The following TULP4 variants were observed in gnomAD, a reference collection of about 807,000 sequenced individuals.
TULP4 encodes the protein tubby-related protein 4.
Under a neutral mutation model 129.0 loss-of-function variants are expected in TULP4, and 16 were observed. The observed-to-expected ratio is 0.12, with a 90% CI of 0.08 to 0.19. TULP4 has a LOEUF of 0.19. TULP4 is among the 10% of genes least tolerant of loss of function. The pLI is 1.00. For missense variants in TULP4, 1,842 were observed against 2,059.1 expected, an observed-to-expected ratio of 0.89 and a Z score of 2.04; for synonymous variants, 998 against 854.0, an observed-to-expected ratio of 1.17 and a Z score of -2.94.
chr6:158,379,443 T>C (rs1260763328), intron 1 of TULP4, among the ~76,000 whole-genome samples: 2 of 152,190 alleles, frequency 1.3e-5, no homozygotes, highest in African/African-American at 4.8e-5. Context: ...CAGCAGTTCT[T>C]GAGACTGGAC....
At chr6:158,321,079 C>A (rs1053217957) in intron 1 of TULP4, among the ~76,000 whole-genome samples, 2 of 151,694 alleles carry the variant, frequency 1.3e-5, no homozygotes, top group Non-Finnish European at 2.9e-5. Flanking sequence ...ACTTTTTGGC[C>A]CACTTCAGTG....
At chr6:158,273,460 G>T (rs985869687) in intron 1 of TULP4, among the ~76,000 whole-genome samples, 1 of 152,076 alleles carries the variant, frequency 6.6e-6, no homozygotes, top group Non-Finnish European at 1.5e-5. Context: ...CCTTTATGTC[G>T]ATGACACTGA....
Position 158,240,724 on chromosome 6 carries a change from G to T in TULP4, n.68+8421G>T, listed in dbSNP as rs1281088054. 3.2e-5 allele frequency among the ~76,000 whole-genome samples: 4 copies of T among 126,236 alleles called. No individual in the cohort carries two copies. The East Asian group carries it at 1.2e-3, about 38-fold the overall frequency. The allele number at this position is 126,236 out of a possible 152,430, so 82.8% of individuals were successfully genotyped here. ...GACCCCCCCCACCTCCCTCCCGGAC[G>T]GGGCGGCTGGCCGGGCGGGGGGCTG... On this transcript the variant is annotated intron_variant and non_coding_transcript_variant, in intron 1 of 1. Transcript: ENST00000620026.
chr6:158,341,141 G>C (rs937695365), intron 1 of TULP4, among the ~76,000 whole-genome samples: 2 of 152,026 alleles, frequency 1.3e-5, no homozygotes, highest in African/African-American at 4.8e-5. Context: ...TCTCCATGAG[G>C]TCAATTTTTT....
chr6:158,266,958 A>G (rs962008771), intron 1 of TULP4, among the ~76,000 whole-genome samples: 1 of 152,034 alleles, frequency 6.6e-6, no homozygotes, highest in Non-Finnish European at 1.5e-5. Context: ...CCCATCAAAC[A>G]CTTCCCTTTT....
At chr6:158,369,095 T>C (rs1478132180) in intron 1 of TULP4, among the ~76,000 whole-genome samples, 2 of 152,240 alleles carry the variant, frequency 1.3e-5, no homozygotes, top group African/African-American at 4.8e-5. Flanking sequence ...CATGCAAAGG[T>C]CATGATTATA....
At chr6:158,467,855 C>T (rs999397216) in intron 6 of TULP4, among the ~76,000 whole-genome samples, 2 of 152,216 alleles carry the variant, frequency 1.3e-5, no homozygotes, top group African/African-American at 4.8e-5. Flanking sequence ...GATCTTGGCT[C>T]ATGGCAGTCT....
intron 1 of TULP4, among the ~76,000 whole-genome samples, chr6:158,364,903 T>A (rs1021015248): frequency 1.3e-5 from 2 of 152,006 alleles, no homozygotes; most frequent in African/African-American, 4.8e-5. Context: ...GCCTGGCTAA[T>A]TTTTTGTATT....
chr6:158,483,554 G>A (rs1303429596), intron 8 of TULP4, among the ~76,000 whole-genome samples: 1 of 152,042 alleles, frequency 6.6e-6, no homozygotes, highest in Non-Finnish European at 1.5e-5. Context: ...ATAAACTCCT[G>A]GGTTCCAGTA....
In TULP4 at chr6:158,493,099, G is replaced by A. The variant is rs540001815; in HGVS notation, c.1632-474G>A. ...GCCCCTGGCAGAAGGCCATTTCCACGCTTGCTCCAAGGCAACAGAGAGTGA... is the reference window on the plus strand; with the variant it reads ...GCCCCTGGCAGAAGGCCATTTCCACACTTGCTCCAAGGCAACAGAGAGTGA... On this transcript the variant is annotated intron_variant, in intron 9 of 13. Transcript: ENST00000367097. This position sits in a 1 kb window ranked among gnomAD's most constrained non-coding sequence, Gnocchi z 4.4. 3.9e-4 allele frequency among the ~76,000 whole-genome samples: 59 copies of A among 152,214 alleles called. No homozygotes were observed. Among genetic ancestry groups the A allele is most frequent in the Non-Finnish European group, 6.8e-4 (46 of 68,042 alleles).
At chr6:158,475,948 C>A (rs775142104) in intron 6 of TULP4, among the ~76,000 whole-genome samples, 20 of 152,208 alleles carry the variant, frequency 1.3e-4, no homozygotes, top group Admixed American at 1.0e-3. Flanking sequence ...TAGGGACTTT[C>A]TGTGGACTTA....
intron 1 of TULP4, among the ~76,000 whole-genome samples, chr6:158,349,519 GGGT>G (rs1780436817): frequency 7.2e-6 from 1 of 138,672 alleles, no homozygotes; most frequent in African/African-American, 2.7e-5. Flanking sequence ...CCCAGACGAA[GGGT>G]GGCCGGGCAG....
intron 13 of TULP4, among the ~76,000 whole-genome samples, chr6:158,505,536 C>T (rs141444892): frequency 8.2e-4 from 125 of 152,370 alleles, no homozygotes; most frequent in African/African-American, 2.6e-3. Flanking sequence ...GCAGAAAGTG[C>T]GTCAGCCCCT....
intron 6 of TULP4, 33 bp downstream of exon 6, chr6:158,461,762 C>G: frequency 6.2e-7 from 1 of 1,606,294 alleles, no homozygotes; most frequent in Non-Finnish European, 8.5e-7. Flanking sequence ...AGTACATTTT[C>G]AGCAGTATAC....
chr6:158,508,874 G>A lies in TULP4; in HGVS notation c.*2180G>A, dbSNP rs1329772072. ...TGCAAGAAATAAAGAGGATATGATA[G>A]AAGGTTTTTTTTTTTTTTTTTTTTT... On this transcript the variant is annotated 3_prime_UTR_variant, in exon 14 of 14. Transcript: ENST00000367097. 4.3e-5 allele frequency: 6 copies of A among 138,818 alleles called. No homozygotes were observed. Among genetic ancestry groups the A allele is most frequent in the African/African-American group, 1.6e-4 (6 of 37,586 alleles). 8.6% of individuals were successfully genotyped at this position (138,818 alleles called of 1,614,324 possible). A position where few individuals can be genotyped will look rare whatever the true frequency, so the allele number is the denominator to read the frequency against.
intron 1 of TULP4, among the ~76,000 whole-genome samples, chr6:158,331,688 G>GACACACACACACAC (rs146753041): frequency 6.9e-5 from 3 of 43,258 alleles, no homozygotes; most frequent in Non-Finnish European, 1.5e-4. Context: ...TCGTTCAACA[G>GACACACACACACAC]ACACACACAC....
intron 1 of TULP4, among the ~76,000 whole-genome samples, chr6:158,245,766 T>C (rs1778017378): frequency 1.3e-5 from 2 of 152,136 alleles, no homozygotes; most frequent in Non-Finnish European, 2.9e-5. Flanking sequence ...AAGGTACCCA[T>C]AATATTGAGT....
chr6:158,463,811 T>C (rs1779497632), intron 6 of TULP4, among the ~76,000 whole-genome samples: 1 of 151,744 alleles, frequency 6.6e-6, no homozygotes, highest in Admixed American at 6.6e-5. Context: ...TTTAAATATA[T>C]ATTTTCTTCT....
chr6:158,312,364 A>G (rs182912930), upstream of TULP4: 96 of 370,584 alleles, frequency 2.6e-4, 1 homozygote, highest in African/African-American at 1.6e-3. Context: ...AAAGTCTGCA[A>G]AAAGAAGAAA....
Sources: gnomAD v4.1 joint callset for allele counts (sites outside exome capture counted in the v4.1 genomes callset) on GRCh38, gnomAD v4.1.1 for gene constraint, Gnocchi (gnomAD v3.1) non-coding constraint, MANE v1.5 for transcripts, NCBI Gene and HGNC (gene_info 2026-07-23, HGNC 2026-07-21) for gene names.